TDRD15: variants seen among roughly 807,000 people sequenced by gnomAD.
The protein encoded by TDRD15 is tudor domain-containing protein 15.
For missense variants in TDRD15, 1,416 were observed against 904.7 expected (o/e 1.57, Z -7.25); for synonymous variants, 503 against 314.5 (o/e 1.60, Z -6.34).
At chr2:21,132,653 C>T (rs959998249) in intron 2 of TDRD15, among the ~76,000 whole-genome samples, 6 of 152,046 alleles carry the variant, frequency 3.9e-5, no homozygotes, top group African/African-American at 1.4e-4. Context: ...TTTATAGCTT[C>T]ATTTTTTGCC....
In TDRD15 at chr2:21,140,022, G is replaced by A. The variant is rs199708768; in HGVS notation, c.2555G>A (p.Arg852His). Residue 852 changes from arginine (R) to histidine (H), a missense_variant, in exon 4 of 4, where the codon CGT becomes CAT. Coordinates refer to ENST00000405799, the MANE Select transcript of TDRD15 (RefSeq NM_001306137.2). Reference sequence around the variant, plus strand: ...GAAGATCTTTGTGCAATTAACCCACGTTTTCTCTTGTTAGAAAGCCAAGCC... The same window carrying A: ...GAAGATCTTTGTGCAATTAACCCACATTTTCTCTTGTTAGAAAGCCAAGCC... The part of the protein sequence containing the change: ...LIEDLCAINP[R>H]FLLLESQAFR... 64 of 715,562 alleles carry A rather than the reference G, an allele frequency of 8.9e-5. No homozygotes were observed. Among genetic ancestry groups the A allele is most frequent in the Non-Finnish European group, 1.4e-4 (52 of 383,926 alleles). 44.3% of individuals were successfully genotyped at this position (715,562 alleles called of 1,614,324 possible).
chr2:21,124,051 A>C lies in TDRD15; in HGVS notation c.-201+5A>C, dbSNP rs1665530122. ...GACCCGCAGCAGAGATTCTTGGTAA[A>C]CCCCAGCTCCGTTTATGTATGGTTA... is the stretch of plus-strand genomic sequence containing the variant. On this transcript the variant is annotated splice_donor_5th_base_variant and intron_variant, in intron 1 of 3. Transcript: ENST00000405799. 6.6e-6 allele frequency: 1 copy of C among 152,242 alleles called. No homozygotes were observed. The highest frequency in any genetic ancestry group is 1.9e-4 in the East Asian group (1 of 5,160). 9.4% of individuals were successfully genotyped at this position (152,242 alleles called of 1,614,324 possible).
chr2:21,141,757 T>C lies in TDRD15; in HGVS notation c.4290T>C (p.Phe1430=). 1 of 715,268 alleles carries C rather than the reference T, an allele frequency of 1.4e-6. No individual in the cohort carries two copies. Among genetic ancestry groups the C allele is most frequent in the South Asian group, 1.5e-5 (1 of 67,490 alleles). 44.3% of individuals were successfully genotyped at this position (715,268 alleles called of 1,614,324 possible). A position where few individuals can be genotyped will look rare whatever the true frequency, so the allele number is the denominator to read the frequency against. The part of the protein sequence containing the change: ...EIWDDKTVDY[F]TSKVHNKTVY... Reference sequence around the variant, plus strand: ...GGGATGACAAAACTGTGGATTATTTTACTTCGAAAGTACATAACAAAACAG... The same window carrying C: ...GGGATGACAAAACTGTGGATTATTTCACTTCGAAAGTACATAACAAAACAG... Residue 1430 remains phenylalanine, a synonymous_variant, in exon 4 of 4, where the codon TTT becomes TTC. Coordinates refer to ENST00000405799, the MANE Select transcript of TDRD15 (RefSeq NM_001306137.2).
chr2:21,128,121 A>G (rs1460274089), intron 2 of TDRD15, among the ~76,000 whole-genome samples: 2 of 152,170 alleles, frequency 1.3e-5, no homozygotes, highest in African/African-American at 4.8e-5. Flanking sequence ...CCTGGAACCT[A>G]TGAACTTTCA....
At chr2:21,132,148 AT>A (rs1187336886) in intron 2 of TDRD15, among the ~76,000 whole-genome samples, 1 of 152,086 alleles carries the variant, frequency 6.6e-6, no homozygotes, top group Non-Finnish European at 1.5e-5. Context: ...CAAGGGAGGA[AT>A]TGCAGCTTCA....
At position 21,124,696 on chromosome 2, in the gene TDRD15, C is replaced by CGT. The variant is rs147996493; in HGVS notation, c.-201+664_-201+665dup. ...ACAGAGTGATCCTAATGCCAGGGTGCGTGTGTGTGTGTGTGACAGAGTGAT... is the reference window on the plus strand; with the variant it reads ...ACAGAGTGATCCTAATGCCAGGGTGCGTGTGTGTGTGTGTGTGACAGAGTGAT... On this transcript the variant is annotated intron_variant, in intron 1 of 3. Transcript: ENST00000405799. Among the ~76,000 whole-genome samples the CGT allele has an allele frequency of 4.5e-3, 318 of 70,252 alleles. 1 individual carries two copies. The highest frequency in any genetic ancestry group is 0.016 in the African/African-American group (286 of 18,228). 46.1% of individuals were successfully genotyped at this position (70,252 alleles called of 152,430 possible).
chr2:21,142,836 A>G lies in TDRD15; in HGVS notation c.5369A>G (p.Lys1790Arg). ...FIIPGSSCLF[K>R]YKSEDQWNRV... Reference sequence around the variant, plus strand: ...ATTCCCGGTTCTAGTTGTTTGTTCAAATATAAATCGGAAGATCAGTGGAAT... The same window carrying G: ...ATTCCCGGTTCTAGTTGTTTGTTCAGATATAAATCGGAAGATCAGTGGAAT... Residue 1790 changes from lysine (K) to arginine (R), a missense_variant, in exon 4 of 4, where the codon AAA becomes AGA. Lys to Arg is a conservative substitution (Grantham distance 26, BLOSUM62 2). Transcript: ENST00000405799. 1.4e-6 allele frequency: 1 copy of G among 714,802 alleles called. No individual in the cohort carries two copies. The highest frequency in any genetic ancestry group is 2.6e-6 in the Non-Finnish European group (1 of 383,442). 44.3% of individuals were successfully genotyped at this position (714,802 alleles called of 1,614,324 possible).
intron 3 of TDRD15, among the ~76,000 whole-genome samples, chr2:21,136,757 C>T (rs538629158): frequency 3.1e-4 from 47 of 152,056 alleles, no homozygotes; most frequent in Non-Finnish European, 3.5e-4. Context: ...AAAATTTTGC[C>T]TTGATGCTAT....
chr2:21,144,475 C>T (rs1666001228), downstream of TDRD15, among the ~76,000 whole-genome samples: 1 of 151,582 alleles, frequency 6.6e-6, no homozygotes, highest in African/African-American at 2.4e-5. Context: ...TGAATTTTAC[C>T]TAGATGTTTT....
At position 21,142,565 on chromosome 2, in the gene TDRD15, A is replaced by G. The variant is rs949014096; in HGVS notation, c.5098A>G (p.Lys1700Glu). The change falls in exon 4 of 4, where the codon AAA becomes GAA. Residue 1700 changes from lysine to glutamate, a missense_variant. By Grantham distance (56) the Lys-to-Glu change is moderately conservative. Coordinates refer to ENST00000405799, the MANE Select transcript of TDRD15 (RefSeq NM_001306137.2). The part of the protein sequence containing the change: ...NLNTVPVEEN[K>E]LRLAEIVYNI... Reference sequence around the variant, plus strand: ...GAATACAGTTCCTGTTGAAGAAAACAAACTTAGACTTGCAGAAATTGTTTA... The same window carrying G: ...GAATACAGTTCCTGTTGAAGAAAACGAACTTAGACTTGCAGAAATTGTTTA... The G allele has an allele frequency of 2.8e-6, 2 of 708,450 alleles. No homozygotes were observed. Among genetic ancestry groups the G allele is most frequent in the African/African-American group, 3.5e-5 (2 of 56,818 alleles). The allele number at this position is 708,450 out of a possible 1,614,324, so 43.9% of individuals were successfully genotyped here.
intron 1 of TDRD15, among the ~76,000 whole-genome samples, chr2:21,126,918 T>C (rs1665609754): frequency 6.6e-6 from 1 of 152,214 alleles, no homozygotes; most frequent in Non-Finnish European, 1.5e-5. Flanking sequence ...AGTGTTTCTA[T>C]CGTTTTACAG....
intron 2 of TDRD15, among the ~76,000 whole-genome samples, chr2:21,133,976 A>C (rs1293944263): frequency 6.6e-6 from 1 of 151,992 alleles, no homozygotes; most frequent in Non-Finnish European, 1.5e-5. Context: ...TATGAAAGTT[A>C]ATTTCATTTG....
Position 21,129,905 on chromosome 2 carries a change from G to A in TDRD15, c.-90+2194G>A, listed in dbSNP as rs764505217. Reference sequence around the variant, plus strand: ...CCAGGGTCAAGGGGCCACCTCTGGTGAGAGCCACCTTGCTAGTGGGGACTC... The same window carrying A: ...CCAGGGTCAAGGGGCCACCTCTGGTAAGAGCCACCTTGCTAGTGGGGACTC... On this transcript the variant is annotated intron_variant, in intron 2 of 3. Coordinates refer to ENST00000405799, the MANE Select transcript of TDRD15 (RefSeq NM_001306137.2). Among the ~76,000 whole-genome samples the A allele has an allele frequency of 3.3e-5, 5 of 152,342 alleles. No homozygotes were observed. In the South Asian group the frequency reaches 1.0e-3, roughly 32 times the overall value.
At chr2:21,146,171 C>G (rs572386481), downstream of TDRD15, among the ~76,000 whole-genome samples, 3 of 151,964 alleles carry the variant, frequency 2.0e-5, no homozygotes, top group South Asian at 6.2e-4. Context: ...CTCTTAGAAT[C>G]TATTCTTCCT....
At chr2:21,132,239 T>C (rs1303437787) in intron 2 of TDRD15, among the ~76,000 whole-genome samples, 1 of 152,096 alleles carries the variant, frequency 6.6e-6, no homozygotes, top group African/African-American at 2.4e-5. Flanking sequence ...GTGGTGGTGA[T>C]GGTTAGCTCT....
intron 2 of TDRD15, 111 bp from the exon 3 acceptor site, chr2:21,134,651 A>T (rs1168559046): frequency 1.3e-5 from 2 of 152,022 alleles, no homozygotes; most frequent in Non-Finnish European, 2.9e-5. Context: ...AATCCATTTT[A>T]TAGGTATTTT....
intron 2 of TDRD15, among the ~76,000 whole-genome samples, chr2:21,132,257 TTCA>T (rs1226741157): frequency 6.6e-6 from 1 of 152,156 alleles, no homozygotes; most frequent in Non-Finnish European, 1.5e-5. Context: ...TCTGTCGGAC[TTCA>T]TAAAGCCATT....
rs1665869202 is a variant in TDRD15, at chr2:21,139,102, C to T, written c.1635C>T (p.Asp545=). 3 of 714,564 alleles carry T rather than the reference C, an allele frequency of 4.2e-6. No individual in the cohort carries two copies. The highest frequency in any genetic ancestry group is 7.8e-6 in the Non-Finnish European group (3 of 383,774). The allele number at this position is 714,564 out of a possible 1,614,324, so 44.3% of individuals were successfully genotyped here. A position where few individuals can be genotyped will look rare whatever the true frequency, so the allele number is the denominator to read the frequency against. The change falls in exon 4 of 4, where the codon GAC becomes GAT. Residue 545 remains aspartate, a synonymous_variant. Coordinates refer to ENST00000405799, the MANE Select transcript of TDRD15 (RefSeq NM_001306137.2). ...TTTGTTGTGCTAGATATAGCAAGGA[C>T]AGACGTTTTTACAGAGCTGTCATCA... The part of the protein sequence containing the change: ...GLFCCARYSK[D]RRFYRAVITE...
rs1327623439 is a variant in TDRD15 at position 21,140,726 on chromosome 2, G to A, written c.3259G>A (p.Asp1087Asn). Reference sequence around the variant, plus strand: ...TAAGTGTTTTTTGTCAGATCTTAGGGATGTAGATATTCCAGCAGAAATCAG... The same window carrying A: ...TAAGTGTTTTTTGTCAGATCTTAGGAATGTAGATATTCCAGCAGAAATCAG... The part of the protein sequence containing the change: ...AIKCFLSDLR[D>N]VDIPAEISSW... Residue 1087 changes from aspartate (D) to asparagine (N), a missense_variant, in exon 4 of 4, where the codon GAT (aspartate) becomes AAT (asparagine). Asp to Asn is a conservative substitution (Grantham distance 23). Coordinates refer to ENST00000405799, the MANE Select transcript of TDRD15 (RefSeq NM_001306137.2). 1.4e-6 allele frequency: 1 copy of A among 713,736 alleles called. No homozygotes were observed. The highest frequency in any genetic ancestry group is 2.7e-5 in the East Asian group (1 of 37,228). The allele number at this position is 713,736 out of a possible 1,614,324, so 44.2% of individuals were successfully genotyped here. A position where few individuals can be genotyped will look rare whatever the true frequency, so the allele number is the denominator to read the frequency against.
Sources: gnomAD v4.1 joint callset for allele counts (sites outside exome capture counted in the v4.1 genomes callset) on GRCh38, gnomAD v4.1.1 for gene constraint, MANE v1.5 for transcripts, NCBI Gene and HGNC (gene_info 2026-07-23, HGNC 2026-07-21) for gene names.